Variants in DMXL2 observed in about 807,000 individuals in gnomAD.
The protein encoded by DMXL2 is dmX-like protein 2.
DMXL2 carries 103 observed loss-of-function variants against 331.1 expected under a neutral mutation model. The ratio of observed to expected loss-of-function variants is 0.31; its 90% CI spans 0.27 to 0.37. The LOEUF (loss-of-function observed/expected upper bound fraction) is 0.37. Ranked by LOEUF, DMXL2 falls within the 10% of genes least tolerant of loss-of-function variation. The pLI is 1.00. For synonymous variants in DMXL2, 1,281 were observed against 1,252.1 expected (o/e 1.02, Z -0.49); for missense variants, 3,171 against 3,642.9 (o/e 0.87, Z 3.33).
rs2039022160 is a variant in DMXL2, at chr15:51,450,302, G to T, written c.8794C>A (p.Pro2932Thr). 6.2e-7 allele frequency: 1 copy of T among 1,613,930 alleles called. No homozygotes were observed. Among genetic ancestry groups the T allele is most frequent in the Non-Finnish European group, 8.5e-7 (1 of 1,179,962 alleles). Residue 2932 changes from proline (P) to threonine (T), a missense_variant, in exon 43 of 44, where the codon CCC becomes ACC. By Grantham distance (38) the Pro-to-Thr change is conservative. This residue lies in a region of DMXL2 where 766 missense variants were observed against 940.5 expected (regional missense o/e 0.81). Transcript: ENST00000560891. ...DHGATVLQYA[P>T]KQQLLISGGR... The stretch of plus-strand genomic sequence containing the variant: ...CCCGAGATTAGGAGTTGCTGTTTGG[G>T]TGCATACTGCAGTACCGTGGCACCA...
At chr15:51,483,205 G>A (rs1413439409) in intron 23 of DMXL2, among the ~76,000 whole-genome samples, 1 of 152,164 alleles carries the variant, frequency 6.6e-6, no homozygotes, top group Non-Finnish European at 1.5e-5. Context: ...ACCCAGATTA[G>A]GAGCATAAGG....
At position 51,591,124 on chromosome 15, in the gene DMXL2, C is replaced by A. The variant is rs74787207; in HGVS notation, c.88-14943G>T. 4.6e-3 allele frequency among the ~76,000 whole-genome samples: 700 copies of A among 152,320 alleles called. 7 individuals are homozygous for A. Among genetic ancestry groups the A allele is most frequent in the African/African-American group, 0.016 (674 of 41,570 alleles). ...GCAGTGCACCGAACGTGAACCGAAGCAGGGCGAGGCATCGCCTCACCCAGG... is the reference window on the plus strand; with the variant it reads ...GCAGTGCACCGAACGTGAACCGAAGAAGGGCGAGGCATCGCCTCACCCAGG... On this transcript the variant is annotated intron_variant, in intron 1 of 43. Coordinates refer to ENST00000560891, the MANE Select transcript of DMXL2 (RefSeq NM_001378457.1).
intron 25 of DMXL2, 108 bp from the exon 26 acceptor site, chr15:51,478,455 A>T (rs2041757370): frequency 3.3e-6 from 3 of 913,066 alleles, no homozygotes; most frequent in Non-Finnish European, 5.1e-6. Flanking sequence ...CATAAATAAG[A>T]CTGAATCCTA....
At chr15:51,571,565 T>C (rs1158027092) in intron 2 of DMXL2, among the ~76,000 whole-genome samples, 2 of 152,172 alleles carry the variant, frequency 1.3e-5, no homozygotes, top group East Asian at 1.9e-4. Context: ...TGCAAAAGAA[T>C]GGAAATCATA....
chr15:51,616,753 A>G (rs968049312), intron 1 of DMXL2, among the ~76,000 whole-genome samples: 3 of 152,098 alleles, frequency 2.0e-5, no homozygotes, highest in African/African-American at 7.2e-5. Flanking sequence ...CCTGGCCAAC[A>G]TCGTGAAATC....
chr15:51,530,501 C>T (rs1006511374), intron 13 of DMXL2, among the ~76,000 whole-genome samples: 6 of 151,820 alleles, frequency 4.0e-5, no homozygotes, highest in African/African-American at 1.5e-4. Flanking sequence ...CCTGTAATCC[C>T]AGCACTTTGG....
At chr15:51,504,492 T>C (rs1467344279) in intron 16 of DMXL2, among the ~76,000 whole-genome samples, 1 of 152,200 alleles carries the variant, frequency 6.6e-6, no homozygotes, top group Non-Finnish European at 1.5e-5. Flanking sequence ...CCGTGACATA[T>C]AAGAGATACT....
chr15:51,507,596 A>G (rs2046485126), intron 15 of DMXL2, among the ~76,000 whole-genome samples: 2 of 152,180 alleles, frequency 1.3e-5, no homozygotes, highest in South Asian at 4.1e-4. Flanking sequence ...AAAAGGGTAC[A>G]TAAAAAAGAA....
intron 23 of DMXL2, among the ~76,000 whole-genome samples, chr15:51,485,841 A>T (rs1003136644): frequency 2.0e-5 from 3 of 152,204 alleles, no homozygotes; most frequent in Non-Finnish European, 2.9e-5. Context: ...ATGATTATGT[A>T]AAAAGAGCTA....
intron 28 of DMXL2, among the ~76,000 whole-genome samples, chr15:51,474,058 G>A (rs1408934120): frequency 7.1e-6 from 1 of 139,934 alleles, no homozygotes; most frequent in Non-Finnish European, 1.6e-5. Context: ...GTATGACTTT[G>A]TTCCTTAACA....
At chr15:51,587,278 A>G (rs972483918) in intron 1 of DMXL2, among the ~76,000 whole-genome samples, 1 of 152,146 alleles carries the variant, frequency 6.6e-6, no homozygotes, top group Non-Finnish European at 1.5e-5. Flanking sequence ...TTAACTCATC[A>G]TTTAGCATTA....
intron 1 of DMXL2, among the ~76,000 whole-genome samples, chr15:51,617,360 T>C (rs767840508): frequency 2.0e-5 from 3 of 152,158 alleles, no homozygotes; most frequent in African/African-American, 7.2e-5. Flanking sequence ...GCAACTATCA[T>C]CTGCCAGGTG....
At chr15:51,592,800 T>A (rs550516087) in intron 1 of DMXL2, among the ~76,000 whole-genome samples, 1 of 135,676 alleles carries the variant, frequency 7.4e-6, no homozygotes, top group South Asian at 2.4e-4. Context: ...CAGAATTTCA[T>A]ATCCAGCCAA....
At chr15:51,525,018 G>A (rs1392204385) in intron 13 of DMXL2, among the ~76,000 whole-genome samples, 2 of 151,714 alleles carry the variant, frequency 1.3e-5, no homozygotes, top group Non-Finnish European at 2.9e-5. Context: ...GGCGACAGAA[G>A]AGTGGGGAGG....
At chr15:51,468,827 T>C (rs1010303653) in intron 29 of DMXL2, among the ~76,000 whole-genome samples, 2 of 152,174 alleles carry the variant, frequency 1.3e-5, no homozygotes, top group African/African-American at 2.4e-5. Flanking sequence ...CAGAATGAAA[T>C]TGGATTTAAT....
chr15:51,583,106 CTTTTTTTTTTTTTTCT>C (rs1174045329), intron 1 of DMXL2, among the ~76,000 whole-genome samples: 4 of 87,176 alleles, frequency 4.6e-5, no homozygotes, highest in African/African-American at 1.6e-4. Context: ...CTTCATTCTT[CTTTTTTTTTTTTTTCT>C]TTTTTTTTTT....
chr15:51,608,477 T>G (rs1165683008), intron 1 of DMXL2, among the ~76,000 whole-genome samples: 1 of 152,220 alleles, frequency 6.6e-6, no homozygotes, highest in Non-Finnish European at 1.5e-5. Context: ...GCCATTATCC[T>G]AAGTAAACTA....
In DMXL2 at chr15:51,565,108, T is replaced by C. The variant is rs144103939; in HGVS notation, c.344A>G (p.Asn115Ser). 3 of 1,572,308 alleles carry C rather than the reference T, an allele frequency of 1.9e-6. No individual in the cohort carries two copies. Among genetic ancestry groups the C allele is most frequent in the African/African-American group, 1.4e-5 (1 of 73,222 alleles). The change falls in exon 4 of 44, where the codon AAC (asparagine) becomes AGC (serine). Residue 115 changes from asparagine to serine, a missense_variant. Physicochemically the swap from Asn to Ser is conservative, Grantham distance 46 (BLOSUM62 1). This residue lies in a region of DMXL2 where 1,674 missense variants were observed against 1,780.2 expected (regional missense o/e 0.94). Transcript: ENST00000560891. ...AATACCTTGAGGATCCCATGCTAAG[T>C]TGTATGTCACAGAACTCAAAAAAAA... ...GQFFLSSVTY[N>S]LAWDPQDNRL...
At chr15:51,507,108 C>T (rs773150761) in intron 16 of DMXL2, 26 bp downstream of exon 16, 2 of 1,522,680 alleles carry the variant, frequency 1.3e-6, no homozygotes, top group Non-Finnish European at 1.8e-6. Context: ...TATGTATCAT[C>T]TCTGTATAAA....
Sources: gnomAD v4.1 joint callset for allele counts (sites outside exome capture counted in the v4.1 genomes callset) on GRCh38, gnomAD v4.1.1 for gene constraint, gnomAD v4.1.1 regional missense constraint, MANE v1.5 for transcripts, NCBI Gene and HGNC (gene_info 2026-07-23, HGNC 2026-07-21) for gene names.